Variants in NPAS1 observed in about 807,000 individuals in gnomAD.
NPAS1 encodes the protein neuronal PAS domain-containing protein 1.
In NPAS1, 29 loss-of-function variants were observed where a neutral mutation model predicts 49.2. The observed-to-expected ratio is 0.59, with a 90% CI of 0.44 to 0.80. The LOEUF is 0.80. Ranked by LOEUF, NPAS1 falls within the 30% of genes least tolerant of loss-of-function variation. NPAS1 has a pLI of 0.00. For missense variants in NPAS1, 825 were observed against 835.5 expected (o/e 0.99, Z 0.15); for synonymous variants, 408 against 380.4 (o/e 1.07, Z -0.84).
At chr19:47,034,334 GGGC>G (rs2056931595) in intron 5 of NPAS1, among the ~76,000 whole-genome samples, 1 of 120,566 alleles carries the variant, frequency 8.3e-6, no homozygotes, top group Admixed American at 8.3e-5. Flanking sequence ...AAAAAAAAAA[GGGC>G]AGGAAGACCT....
At chr19:47,036,661 C>A (rs1455392085) in intron 6 of NPAS1, among the ~76,000 whole-genome samples, 1 of 148,940 alleles carries the variant, frequency 6.7e-6, no homozygotes, top group East Asian at 2.0e-4. Flanking sequence ...CACCTAAAGT[C>A]AGGAGTTTGA....
chr19:47,040,850 T>C (rs2057012581), intron 9 of NPAS1, 128 bp from the exon 10 acceptor site: 3 of 782,090 alleles, frequency 3.8e-6, no homozygotes, highest in East Asian at 2.9e-5. Context: ...CCTTTTTCTC[T>C]TCTCCCCACC....
At position 47,039,678 on chromosome 19, in the gene NPAS1, G is replaced by T. The variant is rs2056998559; in HGVS notation, c.962+114G>T. 3.3e-6 allele frequency: 4 copies of T among 1,202,374 alleles called. No individual in the cohort carries two copies. In the African/African-American group the frequency reaches 6.1e-5, roughly 18 times the overall value. 74.5% of individuals were successfully genotyped at this position (1,202,374 alleles called of 1,614,324 possible). On this transcript the variant is annotated intron_variant, in intron 8 of 11. Coordinates refer to ENST00000602212, the MANE Select transcript of NPAS1 (RefSeq NM_002517.4). ...CAGGATAGGGCACTGGGGAGCCATG[G>T]GAGGCGGAACAGCAATGGATGGGAC...
Position 47,045,184 on chromosome 19 carries a change from C to T in NPAS1, c.1313-7C>T. On this transcript the variant is annotated splice_polypyrimidine_tract_variant and splice_region_variant and intron_variant, in intron 11 of 11. Transcript: ENST00000602212. ...ACACACAGGCCCTCAGCATCTTCCT[C>T]TTCCAGAGCCGGAGCCTCCGACGGA... 6.2e-7 allele frequency: 1 copy of T among 1,612,380 alleles called. No homozygotes were observed. Among genetic ancestry groups the T allele is most frequent in the Non-Finnish European group, 8.5e-7 (1 of 1,179,488 alleles).
rs1449206694 is a variant in NPAS1 at position 47,041,818 on chromosome 19, AAAAT to A, written c.1217+694_1217+697del. On this transcript the variant is annotated intron_variant, in intron 10 of 11. Transcript: ENST00000602212. ...AGTGAGGTCCCATCTCTATTAAAAA[AAAAT>A]TTTTTTAATTGGCCCGTTACAGTGG... Among the ~76,000 whole-genome samples the A allele has an allele frequency of 4.2e-4, 63 of 151,028 alleles. 1 individual carries two copies. The highest frequency in any genetic ancestry group is 1.5e-3 in the African/African-American group (63 of 40,950).
In NPAS1 at chr19:47,045,480, G is replaced by C. The variant is rs747248302; in HGVS notation, c.1602G>C (p.Arg534=). ...LHAGFLPPVV[R]GLCTPGTIRY... ...CGGGCTTCCTGCCGCCGGTGGTGCGGGGCCTGTGCACACCCGGCACCATCC... is the reference window on the plus strand; with the variant it reads ...CGGGCTTCCTGCCGCCGGTGGTGCGCGGCCTGTGCACACCCGGCACCATCC... Residue 534 remains arginine, a synonymous_variant, in exon 12 of 12, where the codon CGG becomes CGC. Coordinates refer to ENST00000602212, the MANE Select transcript of NPAS1 (RefSeq NM_002517.4). The C allele has an allele frequency of 2.3e-5, 36 of 1,571,560 alleles. No homozygotes were observed. In the African/African-American group the frequency reaches 4.7e-4, roughly 21 times the overall value.
chr19:47,040,970 G>T lies in NPAS1; in HGVS notation c.1070-8G>T. The T allele has an allele frequency of 1.4e-6, 2 of 1,461,750 alleles. No homozygotes were observed. 90.5% of individuals were successfully genotyped at this position (1,461,750 alleles called of 1,614,324 possible). On this transcript the variant is annotated splice_region_variant and splice_polypyrimidine_tract_variant and intron_variant, in intron 9 of 11. Coordinates refer to ENST00000602212, the MANE Select transcript of NPAS1 (RefSeq NM_002517.4). ...CCCCCTTCCCATCTCTCCCTGGGCT[G>T]GGCCCAGTGCTGGACAAGGGTCAGG...
chr19:47,040,859 C>CA (rs1295355126), intron 9 of NPAS1, 119 bp from the exon 10 acceptor site: 60 of 830,682 alleles, frequency 7.2e-5, no homozygotes, highest in Non-Finnish European at 1.1e-4. Flanking sequence ...CTTCTCCCCA[C>CA]CGTCTCCCTG....
chr19:47,022,615 C>CG (rs893345758), intron 3 of NPAS1, among the ~76,000 whole-genome samples: 2 of 84,064 alleles, frequency 2.4e-5, no homozygotes, highest in African/African-American at 4.6e-5. Context: ...GAGGAGGGGG[C>CG]GGGGGGGCTG....
chr19:47,028,095 A>T (rs976773174), intron 3 of NPAS1, among the ~76,000 whole-genome samples: 1 of 146,160 alleles, frequency 6.8e-6, no homozygotes, highest in East Asian at 2.0e-4. Context: ...CCACCACCAC[A>T]CCCCCTAATC....
rs1443197177 is a variant in NPAS1, at chr19:47,036,000, C to T, written c.559C>T (p.His187Tyr). The T allele has an allele frequency of 3.8e-6, 6 of 1,562,228 alleles. No homozygotes were observed. In the South Asian group the frequency reaches 4.8e-5, roughly 12 times the overall value. Residue 187 changes from histidine to tyrosine, a missense_variant, in exon 6 of 12, where the codon CAC becomes TAC. Transcript: ENST00000602212. ...GGGCAGCAGCGTCTTCGACTACATT[C>T]ACCCTGGGGACCACTCAGAGGTGCT... ...MTGSSVFDYI[H>Y]PGDHSEVLEQ...
chr19:47,031,565 C>CT (rs1978633939), intron 3 of NPAS1, among the ~76,000 whole-genome samples: 1 of 135,294 alleles, frequency 7.4e-6, no homozygotes, highest in African/African-American at 2.8e-5. Context: ...GAGTCTCGCA[C>CT]TGTCATCCAG....
intron 3 of NPAS1, among the ~76,000 whole-genome samples, chr19:47,023,834 C>T (rs564027022): frequency 1.1e-4 from 17 of 152,172 alleles, no homozygotes; most frequent in South Asian, 4.1e-4. Context: ...TGGCTGGGCA[C>T]GGTGGCTCAC....
intron 6 of NPAS1, among the ~76,000 whole-genome samples, chr19:47,037,204 T>G (rs560077119): frequency 1.2e-4 from 18 of 151,286 alleles, no homozygotes; most frequent in Admixed American, 6.6e-4. Context: ...ATACAAAAAT[T>G]AGCCGGGCGT....
At chr19:47,036,776 G>A (rs2056961113) in intron 6 of NPAS1, among the ~76,000 whole-genome samples, 1 of 151,742 alleles carries the variant, frequency 6.6e-6, no homozygotes, top group Non-Finnish European at 1.5e-5. Context: ...CAGCTACTCG[G>A]GAGGCTGAGG....
chr19:47,045,368 T>C lies in NPAS1; in HGVS notation c.1490T>C (p.Val497Ala). ...PATPRPEFTS[V>A]IRAGVLKQDP... The stretch of plus-strand genomic sequence containing the variant: ...ACACCGAGGCCCGAGTTCACCTCTG[T>C]CATCCGGGCAGGGGTCCTGAAGCAG... Residue 497 changes from valine to alanine, a missense_variant, in exon 12 of 12, where the codon GTC becomes GCC. Val to Ala is a moderately conservative substitution (Grantham distance 64). Transcript: ENST00000602212. 6.2e-7 allele frequency: 1 copy of C among 1,613,568 alleles called. No homozygotes were observed. The highest frequency in any genetic ancestry group is 1.7e-4 in the Middle Eastern group (1 of 6,060).
intron 10 of NPAS1, among the ~76,000 whole-genome samples, chr19:47,042,302 C>G (rs1392325811): frequency 6.6e-6 from 1 of 152,134 alleles, no homozygotes; most frequent in African/African-American, 2.4e-5. Flanking sequence ...CAGTGAGACT[C>G]CATCTCAAAA....
intron 6 of NPAS1, among the ~76,000 whole-genome samples, chr19:47,037,754 C>T (rs141551562): frequency 2.6e-4 from 40 of 152,326 alleles, no homozygotes; most frequent in East Asian, 1.7e-3. Flanking sequence ...GTCTGCAACA[C>T]GTGCAGGCTG....
rs1242081073 is a variant in NPAS1, at chr19:47,042,819, G to A, written c.1227G>A (p.Glu409=). 2.5e-6 allele frequency: 4 copies of A among 1,604,100 alleles called. No homozygotes were observed. The highest frequency in any genetic ancestry group is 2.7e-5 in the African/African-American group (2 of 74,242). The part of the protein sequence containing the change: ...LWVSHVLSQA[E]GGQTPLDAFQ... ...TCCATCTTCTCCCCAGCCAAGCCGAGGGTGGCCAAACTCCTTTGGATGCCT... is the reference window on the plus strand; with the variant it reads ...TCCATCTTCTCCCCAGCCAAGCCGAAGGTGGCCAAACTCCTTTGGATGCCT... Residue 409 remains glutamate, a synonymous_variant, in exon 11 of 12, where the codon GAG becomes GAA. Transcript: ENST00000602212.
Sources: gnomAD v4.1 joint callset for allele counts (sites outside exome capture counted in the v4.1 genomes callset) on GRCh38, gnomAD v4.1.1 for gene constraint, MANE v1.5 for transcripts, NCBI Gene and HGNC (gene_info 2026-07-23, HGNC 2026-07-21) for gene names.